RSPH10B: variants seen among roughly 807,000 people sequenced by gnomAD.
The protein encoded by RSPH10B is radial spoke head 10 homolog B, also known as radial spoke head 10 homolog B (Chlamydomonas).
Under a neutral mutation model 52.5 loss-of-function variants are expected in RSPH10B, and 7 were observed. The ratio of observed to expected loss-of-function variants is 0.13; its 90% CI spans 0.08 to 0.25. The LOEUF (loss-of-function observed/expected upper bound fraction) is 0.25. Among genes scored for constraint, RSPH10B ranks in the 10% least tolerant of loss-of-function variants. The pLI, the probability that RSPH10B is intolerant of heterozygous loss-of-function variation, is 1.00. For missense variants in RSPH10B, 89 were observed against 542.5 expected (o/e 0.16, Z 8.30); for synonymous variants, 28 against 193.2 (o/e 0.14, Z 7.09).
chr7:5,937,086 C>CAAAA (rs1246119855), intron 15 of RSPH10B, among the ~76,000 whole-genome samples: 50 of 25,100 alleles, frequency 2.0e-3, no homozygotes, highest in East Asian at 0.011. Context: ...AGCTCTGTCT[C>CAAAA]AAAAAAAAAA....
chr7:5,942,900 A>G (rs1426088278), intron 13 of RSPH10B, among the ~76,000 whole-genome samples: 2 of 124,358 alleles, frequency 1.6e-5, no homozygotes, highest in Non-Finnish European at 3.4e-5. Context: ...TATTTATTAT[A>G]TATATATTTA....
chr7:5,940,936 A>T lies in RSPH10B; in HGVS notation c.1759-2107T>A, dbSNP rs1376833510. On this transcript the variant is annotated intron_variant, in intron 13 of 18. Coordinates refer to ENST00000337579, the Ensembl canonical transcript of RSPH10B. ...GCAAGACTGTCAAAATAATAATAATAATAATAATTATTATTATTATTATTA... is the reference window on the plus strand; with the variant it reads ...GCAAGACTGTCAAAATAATAATAATTATAATAATTATTATTATTATTATTA... Among the ~76,000 whole-genome samples the T allele has an allele frequency of 2.9e-4, 21 of 71,902 alleles. 1 individual carries two copies. Among genetic ancestry groups the T allele is most frequent in the African/African-American group, 9.4e-4 (18 of 19,132 alleles). 47.2% of individuals were successfully genotyped at this position (71,902 alleles called of 152,430 possible).
chr7:5,943,240 A>G, intron 13 of RSPH10B, 84 bp downstream of exon 15: 1 of 1,561,790 alleles, frequency 6.4e-7, no homozygotes, highest in Non-Finnish European at 8.7e-7. Context: ...TTATTTGCAT[A>G]TCACAGCTGG....
At chr7:5,944,799 A>C (rs1780404292) in intron 11 of RSPH10B, among the ~76,000 whole-genome samples, 1 of 146,822 alleles carries the variant, frequency 6.8e-6, no homozygotes. Flanking sequence ...TCTCTACTAA[A>C]AATACAAAAA....
Position 5,943,487 on chromosome 7 carries a change from T to G in RSPH10B, c.1610-15A>C. On this transcript the variant is annotated splice_polypyrimidine_tract_variant and intron_variant, in intron 12 of 18. Transcript: ENST00000337579. ...GAATAAATTGCCTAAAAATACAACGTTCGAAAAATGATTACAGATTTATGT... is the reference window on the plus strand; with the variant it reads ...GAATAAATTGCCTAAAAATACAACGGTCGAAAAATGATTACAGATTTATGT... 6.2e-7 allele frequency: 1 copy of G among 1,605,558 alleles called. No homozygotes were observed. Among genetic ancestry groups the G allele is most frequent in the South Asian group, 1.1e-5 (1 of 90,546 alleles).
At chr7:5,963,302 G>A (rs1780972668) in intron 3 of RSPH10B, 1 of 144,124 alleles carries the variant, frequency 6.9e-6, no homozygotes, top group Admixed American at 7.1e-5. Flanking sequence ...TGAACCCAAG[G>A]TGGGGGCCCA....
chr7:5,927,048 T>TATATA (rs1347951159), intron 18 of RSPH10B, among the ~76,000 whole-genome samples: 26 of 70,842 alleles, frequency 3.7e-4, no homozygotes, highest in Admixed American at 7.2e-4. Context: ...TGTGTGTGTA[T>TATATA]TATGTGTGTG....
rs571964752 is a variant in RSPH10B at position 5,954,062 on chromosome 7, C to G, written c.958-843G>C. On this transcript the variant is annotated intron_variant, in intron 7 of 18. Transcript: ENST00000337579. ...GTTTCACCATGTTAGCCAGGATGGT[C>G]TCGATCTCCTGACCTCGTGATCCAT... Among the ~76,000 whole-genome samples the G allele has an allele frequency of 5.2e-3, 417 of 80,964 alleles. 5 individuals carry two copies. Among genetic ancestry groups the G allele is most frequent in the African/African-American group, 0.02 (394 of 19,702 alleles). The allele number at this position is 80,964 out of a possible 152,430, so 53.1% of individuals were successfully genotyped here.
In RSPH10B at chr7:5,929,033, G is replaced by A. The variant is rs1434079748; in HGVS notation, c.2234-639C>T. On this transcript the variant is annotated intron_variant, in intron 17 of 18. Transcript: ENST00000337579. ...CTTGCTTTTTTCTTTTTTTTTTAAAGACAAGCTCTCTATGGCCCAGGCTGG... is the reference window on the plus strand; with the variant it reads ...CTTGCTTTTTTCTTTTTTTTTTAAAAACAAGCTCTCTATGGCCCAGGCTGG... Among the ~76,000 whole-genome samples the A allele has an allele frequency of 2.8e-5, 4 of 145,286 alleles. No homozygotes were observed. In the South Asian group the frequency reaches 6.6e-4, roughly 24 times the overall value.
intron 18 of RSPH10B, among the ~76,000 whole-genome samples, chr7:5,927,424 T>C (rs1409093539): frequency 1.2e-5 from 1 of 80,942 alleles, no homozygotes; most frequent in Non-Finnish European, 2.4e-5. Flanking sequence ...GTAGACCTGA[T>C]TAAGTCACTG....
In RSPH10B at chr7:5,927,022, C is replaced by CGTGTGTGTGTGTGTGTGTGTGT. The variant is rs373901374; in HGVS notation, c.2433-496_2433-475dup. Among the ~76,000 whole-genome samples, 32 of 95,968 alleles carry CGTGTGTGTGTGTGTGTGTGTGT rather than the reference C, an allele frequency of 3.3e-4. 1 individual carries two copies. Among genetic ancestry groups the CGTGTGTGTGTGTGTGTGTGTGT allele is most frequent in the African/African-American group, 1.5e-3 (32 of 20,982 alleles). 63.0% of individuals were successfully genotyped at this position (95,968 alleles called of 152,430 possible). A position where few individuals can be genotyped will look rare whatever the true frequency, so the allele number is the denominator to read the frequency against. Reference sequence around the variant, plus strand: ...CACCCACCTCGGCCTCCCAAAGTTACGTGTGTGTGTGTGTGTGTGTGTGTA... The same window carrying CGTGTGTGTGTGTGTGTGTGTGT: ...CACCCACCTCGGCCTCCCAAAGTTACGTGTGTGTGTGTGTGTGTGTGTGTGTGTGTGTGTGTGTGTGTGTGTA... On this transcript the variant is annotated intron_variant, in intron 18 of 18. Coordinates refer to ENST00000337579, the Ensembl canonical transcript of RSPH10B.
chr7:5,938,580 CAAAAAA>C, intron 14 of RSPH10B, 136 bp downstream of exon 16: 8 of 12,836 alleles, frequency 6.2e-4, no homozygotes, highest in Non-Finnish European at 8.7e-4. Flanking sequence ...ACTCCGTCTC[CAAAAAA>C]AAAAAAAAAA....
At chr7:5,938,433 C>T (rs1780036057) in intron 14 of RSPH10B, among the ~76,000 whole-genome samples, 1 of 114,076 alleles carries the variant, frequency 8.8e-6, no homozygotes, top group African/African-American at 3.1e-5. Context: ...AAAAAATTAG[C>T]CGGGCGTGGT....
chr7:5,955,034 G>T lies in RSPH10B; in HGVS notation c.957+971C>A, dbSNP rs533301935. ...AAAAAAAAGAGCCGGGCGTGGTGGC[G>T]CACACCTGTAATCCCAGCTACTCTA... is the stretch of plus-strand genomic sequence containing the variant. On this transcript the variant is annotated intron_variant, in intron 7 of 18. Coordinates refer to ENST00000337579, the Ensembl canonical transcript of RSPH10B. Among the ~76,000 whole-genome samples, 580 of 126,172 alleles carry T rather than the reference G, an allele frequency of 4.6e-3. 3 individuals carry two copies. The highest frequency in any genetic ancestry group is 7.1e-3 in the Non-Finnish European group (431 of 60,708). 82.8% of individuals were successfully genotyped at this position (126,172 alleles called of 152,430 possible). A position where few individuals can be genotyped will look rare whatever the true frequency, so the allele number is the denominator to read the frequency against.
At chr7:5,944,776 T>C (rs1248195360) in intron 11 of RSPH10B, among the ~76,000 whole-genome samples, 3 of 146,580 alleles carry the variant, frequency 2.0e-5, no homozygotes, top group African/African-American at 5.2e-5. Context: ...CTGGCCAACA[T>C]GGTGAAACCC....
intron 18 of RSPH10B, among the ~76,000 whole-genome samples, chr7:5,927,166 T>C (rs914300682): frequency 1.4e-5 from 2 of 140,290 alleles, no homozygotes; most frequent in African/African-American, 2.7e-5. Context: ...AACAAATCAC[T>C]GCAGCCTCAA....
chr7:5,938,305 T>G (rs35891587), intron 14 of RSPH10B, among the ~76,000 whole-genome samples: 1 of 104,090 alleles, frequency 9.6e-6, no homozygotes, highest in African/African-American at 3.3e-5. Flanking sequence ...CGGTGGCTCA[T>G]GCCTGTAATC....
intron 3 of RSPH10B, among the ~76,000 whole-genome samples, chr7:5,961,532 G>A (rs1204597855): frequency 9.2e-5 from 8 of 87,200 alleles, no homozygotes; most frequent in African/African-American, 1.7e-4. Flanking sequence ...TAGGAGAGAC[G>A]GGGTTTTGCC....
At chr7:5,942,637 G>A (rs879317503) in intron 13 of RSPH10B, among the ~76,000 whole-genome samples, 4 of 148,254 alleles carry the variant, frequency 2.7e-5, no homozygotes, top group Non-Finnish European at 6.0e-5. Context: ...TGAGGCGGGT[G>A]GATCACCTGG....
Sources: allele counts gnomAD v4.1 joint callset (sites outside exome capture counted in the v4.1 genomes callset), GRCh38; gene constraint gnomAD v4.1.1; transcripts MANE v1.5; gene names NCBI Gene and HGNC (gene_info 2026-07-23, HGNC 2026-07-21).